The following MYH14 variants were observed in gnomAD, a reference collection of about 807,000 sequenced individuals.
MYH14 encodes the protein myosin-14.
MYH14 carries 123 observed loss-of-function variants against 255.5 expected under a neutral mutation model. That is an observed-to-expected ratio of 0.48 (90% CI 0.42 to 0.56). The LOEUF (loss-of-function observed/expected upper bound fraction) is 0.56, where lower values mean the gene tolerates loss of function less well. Ranked by LOEUF, MYH14 falls within the 20% of genes least tolerant of loss-of-function variation. MYH14 has a pLI of 0.00. For missense variants in MYH14, 2,423 were observed against 2,802.3 expected, an observed-to-expected ratio of 0.86 and a Z score of 3.06; for synonymous variants, 1,095 against 1,161.2, an observed-to-expected ratio of 0.94 and a Z score of 1.16.
chr19:50,227,489 C>T (rs1307835769), intron 8 of MYH14, among the ~76,000 whole-genome samples: 4 of 152,120 alleles, frequency 2.6e-5, no homozygotes, highest in African/African-American at 9.7e-5. Flanking sequence ...ACCAAAATTC[C>T]ACACTCCCGG....
intron 33 of MYH14, among the ~76,000 whole-genome samples, chr19:50,282,722 A>T (rs542701269): frequency 2.4e-4 from 37 of 152,188 alleles, no homozygotes; most frequent in African/African-American, 7.7e-4. Flanking sequence ...ATAAAAAATT[A>T]AAAAAAATTT....
At chr19:50,226,695 G>T (rs2123217215) in intron 7 of MYH14, among the ~76,000 whole-genome samples, 1 of 152,236 alleles carries the variant, frequency 6.6e-6, no homozygotes, top group Non-Finnish European at 1.5e-5. Flanking sequence ...GGGGGCTGGG[G>T]AAAGAAGTCC....
chr19:50,263,529 T>A, intron 22 of MYH14, 109 bp downstream of exon 22: 1 of 649,426 alleles, frequency 1.5e-6, no homozygotes, highest in Non-Finnish European at 2.4e-6. Flanking sequence ...TCTGCATCAC[T>A]AAAATGGGGC....
chr19:50,206,836 A>T (rs1568457868), intron 1 of MYH14, among the ~76,000 whole-genome samples: 1 of 151,900 alleles, frequency 6.6e-6, no homozygotes, highest in Non-Finnish European at 1.5e-5. Flanking sequence ...GCAGAGGTGA[A>T]GTCCTGCTGT....
chr19:50,247,971 G>A (rs560466886), intron 12 of MYH14, among the ~76,000 whole-genome samples: 14 of 150,504 alleles, frequency 9.3e-5, no homozygotes, highest in African/African-American at 2.7e-4. Flanking sequence ...GAGACACGAG[G>A]ATCACTTGAA....
At chr19:50,298,922 AAAC>A (rs909777839) in intron 39 of MYH14, among the ~76,000 whole-genome samples, 9 of 151,964 alleles carry the variant, frequency 5.9e-5, no homozygotes, top group African/African-American at 1.2e-4. Flanking sequence ...TCCCTACCAA[AAAC>A]AACAACAACA....
At chr19:50,298,011 G>T (rs1351077181) in intron 39 of MYH14, among the ~76,000 whole-genome samples, 1 of 152,136 alleles carries the variant, frequency 6.6e-6, no homozygotes, top group African/African-American at 2.4e-5. Flanking sequence ...GAGCTTCCGT[G>T]CCCTCCTGGG....
chr19:50,286,762 C>T, intron 34 of MYH14, 68 bp downstream of exon 34: 1 of 1,390,162 alleles, frequency 7.2e-7, no homozygotes, highest in Non-Finnish European at 9.9e-7. Context: ...TGTATGCTTT[C>T]ACACATAGAA....
intron 2 of MYH14, among the ~76,000 whole-genome samples, chr19:50,211,385 A>G (rs1488270471): frequency 6.6e-6 from 1 of 152,134 alleles, no homozygotes; most frequent in East Asian, 1.9e-4. Flanking sequence ...CTAAATGCCT[A>G]TCTATTAATT....
intron 1 of MYH14, among the ~76,000 whole-genome samples, chr19:50,209,767 C>G (rs112231249): frequency 0.062 from 7,557 of 122,726 alleles, 289 homozygotes; most frequent in African/African-American, 0.13. Flanking sequence ...CTGGGCGACA[C>G]AGTGAGACTC....
chr19:50,302,611 G>A (rs2036528462), intron 40 of MYH14, among the ~76,000 whole-genome samples: 1 of 130,004 alleles, frequency 7.7e-6, no homozygotes, highest in Non-Finnish European at 1.7e-5. Context: ...AAAAAGAAAA[G>A]AAAAAGATGC....
chr19:50,268,132 T>G, intron 23 of MYH14, 29 bp from the exon 24 acceptor site: 1 of 1,531,346 alleles, frequency 6.5e-7, no homozygotes, highest in Non-Finnish European at 8.8e-7. Context: ...CACTGCCTGC[T>G]GACCACTAAC....
chr19:50,233,807 C>A (rs1600902505), intron 10 of MYH14, among the ~76,000 whole-genome samples: 1 of 81,294 alleles, frequency 1.2e-5, no homozygotes, highest in Non-Finnish European at 2.5e-5. Flanking sequence ...CCCCCTCCCC[C>A]CTCCCCCCGA....
intron 15 of MYH14, among the ~76,000 whole-genome samples, chr19:50,251,848 G>T (rs924728355): frequency 2.0e-5 from 3 of 152,158 alleles, no homozygotes; most frequent in African/African-American, 7.2e-5. Context: ...AAAGTGCTGG[G>T]ATTACAGGTG....
rs1465796826 is a variant in MYH14 at position 50,309,969 on chromosome 19, C to T, written c.*179C>T. The T allele has an allele frequency of 8.5e-6, 6 of 708,718 alleles. No homozygotes were observed. The highest frequency in any genetic ancestry group is 1.8e-5 in the African/African-American group (1 of 55,504). 43.9% of individuals were successfully genotyped at this position (708,718 alleles called of 1,614,324 possible). A position where few individuals can be genotyped will look rare whatever the true frequency, so the allele number is the denominator to read the frequency against. ...CTGCAACCTCCCATCAAAGGATGAC[C>T]CCTAAACACAGAGGAGCGGGGCAGG... is the stretch of plus-strand genomic sequence containing the variant. On this transcript the variant is annotated 3_prime_UTR_variant, in exon 43 of 43. Transcript: ENST00000642316.
At chr19:50,309,516 C>G (rs1327337594) in intron 42 of MYH14, 124 bp from the exon 43 acceptor site, 18 of 712,896 alleles carry the variant, frequency 2.5e-5, no homozygotes, top group Non-Finnish European at 4.1e-5. Context: ...TCTCTTCCCC[C>G]TTATTTTGTT....
intron 40 of MYH14, among the ~76,000 whole-genome samples, chr19:50,303,547 A>T (rs2036562643): frequency 6.6e-6 from 1 of 152,202 alleles, no homozygotes; most frequent in African/African-American, 2.4e-5. Flanking sequence ...AATAGATATG[A>T]CTGTTTGATA....
At chr19:50,269,898 C>G (rs2035231036) in intron 24 of MYH14, among the ~76,000 whole-genome samples, 1 of 152,130 alleles carries the variant, frequency 6.6e-6, no homozygotes, top group Non-Finnish European at 1.5e-5. Flanking sequence ...ATTTGAGGCC[C>G]CTGCTACTTT....
intron 39 of MYH14, among the ~76,000 whole-genome samples, chr19:50,300,670 AC>A (rs11299820): frequency 0.5 from 76,646 of 151,894 alleles, 20,823 homozygotes; most frequent in Admixed American, 0.6. Context: ...AATCGCTTGA[AC>A]CTGGGAGGCA....
Sources: allele counts gnomAD v4.1 joint callset (sites outside exome capture counted in the v4.1 genomes callset), GRCh38; gene constraint gnomAD v4.1.1; transcripts MANE v1.5; gene names NCBI Gene and HGNC (gene_info 2026-07-23, HGNC 2026-07-21).